The following PTPRD variants were observed in gnomAD, a reference collection of about 807,000 sequenced individuals.
The protein encoded by PTPRD is receptor-type tyrosine-protein phosphatase delta.
Under a neutral mutation model 214.5 loss-of-function variants are expected in PTPRD, and 34 were observed. The observed-to-expected ratio is 0.16, with a 90% CI of 0.12 to 0.21. The LOEUF is 0.21. Ranked by LOEUF, PTPRD falls within the 10% of genes least tolerant of loss-of-function variation. The pLI, the probability that PTPRD is intolerant of heterozygous loss-of-function variation, is 1.00. For synonymous variants in PTPRD, 1,128 were observed against 845.7 expected (o/e 1.33, Z -5.79); for missense variants, 2,545 against 2,398.7 (o/e 1.06, Z -1.27).
rs947404260 is a variant in PTPRD at position 9,808,748 on chromosome 9, T to C, written c.-367-41897A>G. Among the ~76,000 whole-genome samples the C allele has an allele frequency of 3.9e-5, 6 of 152,234 alleles. 1 individual carries two copies. The highest frequency in any genetic ancestry group is 1.3e-4 in the Admixed American group (2 of 15,280). ...CCTAGAGACCCAACTTTCATCTCCCTTATGACTGGGGTATTAGTTTAATTT... is the reference window on the plus strand; with the variant it reads ...CCTAGAGACCCAACTTTCATCTCCCCTATGACTGGGGTATTAGTTTAATTT... On this transcript the variant is annotated intron_variant, in intron 5 of 45. Transcript: ENST00000381196.
intron 10 of PTPRD, among the ~76,000 whole-genome samples, chr9:9,138,698 A>C (rs985072032): frequency 6.6e-6 from 1 of 152,204 alleles, no homozygotes; most frequent in Non-Finnish European, 1.5e-5. Flanking sequence ...ATGAGCAGTA[A>C]TTTAATTTAT....
rs913590252 is a variant in PTPRD, at chr9:8,808,573, T to C, written c.-103-74627A>G. 2.0e-5 allele frequency among the ~76,000 whole-genome samples: 3 copies of C among 151,396 alleles called. No homozygotes were observed. In the Admixed American group the frequency reaches 2.0e-4, roughly 10 times the overall value. ...GCCCAGAGACACTCAATAATCCTGGTTAATCCTGGCCCACTGTATTTATGC... is the reference window on the plus strand; with the variant it reads ...GCCCAGAGACACTCAATAATCCTGGCTAATCCTGGCCCACTGTATTTATGC... On this transcript the variant is annotated intron_variant, in intron 11 of 45. Coordinates refer to ENST00000381196, the MANE Select transcript of PTPRD (RefSeq NM_002839.4).
At chr9:10,214,654 T>G (rs1280546215) in intron 3 of PTPRD, among the ~76,000 whole-genome samples, 2 of 152,038 alleles carry the variant, frequency 1.3e-5, no homozygotes, top group African/African-American at 4.8e-5. Flanking sequence ...AACATGTTTA[T>G]CACCTAACAC....
In PTPRD at chr9:9,175,194, T is replaced by G. The variant is rs548855840; in HGVS notation, c.-143+8110A>C. ...ATTTCTTATAGCAGCCAAAGTGAAC[T>G]AAGACAAGATTTTTCTAAAACGTTG... On this transcript the variant is annotated intron_variant, in intron 10 of 45. Transcript: ENST00000381196. Among the ~76,000 whole-genome samples the G allele has an allele frequency of 1.7e-3, 264 of 152,310 alleles. 1 individual carries two copies. Among genetic ancestry groups the G allele is most frequent in the Middle Eastern group, 0.01 (3 of 294 alleles).
In PTPRD at chr9:8,731,755, A is replaced by C. The variant is rs79290233; in HGVS notation, c.64+2025T>G. 2.7e-4 allele frequency among the ~76,000 whole-genome samples: 41 copies of C among 152,316 alleles called. 1 individual carries two copies. The East Asian group carries it at 7.1e-3, about 26-fold the overall frequency. On this transcript the variant is annotated intron_variant, in intron 12 of 45. Coordinates refer to ENST00000381196, the MANE Select transcript of PTPRD (RefSeq NM_002839.4). ...AAATGTACCTTAAAAGATATGGTTA[A>C]ATTTTCCTCTTTCGTCAATAACTTT...
chr9:9,193,116 G>GT (rs1308944853), intron 9 of PTPRD, among the ~76,000 whole-genome samples: 2 of 152,084 alleles, frequency 1.3e-5, no homozygotes, highest in Non-Finnish European at 2.9e-5. Flanking sequence ...TCAGTTAAAT[G>GT]TAAGTAAATA....
intron 3 of PTPRD, among the ~76,000 whole-genome samples, chr9:10,256,909 T>C (rs2093326890): frequency 6.6e-6 from 1 of 152,204 alleles, no homozygotes; most frequent in Admixed American, 6.5e-5. Context: ...CACATCTTAG[T>C]TCCATCACTT....
At position 8,465,627 on chromosome 9, in the gene PTPRD, C is replaced by G. The variant is rs1281193607; in HGVS notation, c.3553G>C (p.Glu1185Gln). 1 of 1,612,410 alleles carries G rather than the reference C, an allele frequency of 6.2e-7. No homozygotes were observed. Among genetic ancestry groups the G allele is most frequent in the South Asian group, 1.1e-5 (1 of 91,032 alleles). ...RKRRSIRYGR[E>Q]VELKPYIAAH... The stretch of plus-strand genomic sequence containing the variant: ...GCAATATATGGCTTTAATTCAACTT[C>G]TCTCCCATAACGGATGCTTCTGCGC... Residue 1185 changes from glutamate to glutamine, a missense_variant, in exon 32 of 46, where the codon GAA becomes CAA. Coordinates refer to ENST00000381196, the MANE Select transcript of PTPRD (RefSeq NM_002839.4).
chr9:9,966,727 G>A (rs904431009), intron 4 of PTPRD, among the ~76,000 whole-genome samples: 4 of 152,010 alleles, frequency 2.6e-5, no homozygotes, highest in African/African-American at 7.2e-5. Flanking sequence ...ACACTCCTTC[G>A]GTCAGTGTTA....
rs1228942827 is a variant in PTPRD, at chr9:8,451,985, T to C, written c.3876-2148A>G. The C allele has an allele frequency of 7.9e-6, 3 of 377,608 alleles. No individual in the cohort carries two copies. In the East Asian group the frequency reaches 2.4e-4, roughly 31 times the overall value. 23.4% of individuals were successfully genotyped at this position (377,608 alleles called of 1,614,324 possible). ...CTGGAGGGTAGAAAAGAAAACTCTCTAAAGTAATTTAGCCCATTTCTCTGG... is the reference window on the plus strand; with the variant it reads ...CTGGAGGGTAGAAAAGAAAACTCTCCAAAGTAATTTAGCCCATTTCTCTGG... On this transcript the variant is annotated intron_variant, in intron 33 of 45. Coordinates refer to ENST00000381196, the MANE Select transcript of PTPRD (RefSeq NM_002839.4).
intron 14 of PTPRD, among the ~76,000 whole-genome samples, chr9:8,579,259 T>A (rs1003781762): frequency 6.6e-6 from 1 of 152,350 alleles, no homozygotes; most frequent in East Asian, 1.9e-4. Flanking sequence ...TTCTTCATAA[T>A]ACAAAAGCTT....
At chr9:8,442,320 T>C (rs962445193) in intron 34 of PTPRD, among the ~76,000 whole-genome samples, 1 of 151,880 alleles carries the variant, frequency 6.6e-6, no homozygotes, top group Admixed American at 6.5e-5. Flanking sequence ...TAGAAAAATA[T>C]TTATCAAACA....
rs765489687 is a variant in PTPRD at position 8,521,482 on chromosome 9, G to A, written c.756C>T (p.Ser252=). 2.7e-5 allele frequency: 44 copies of A among 1,613,950 alleles called. No homozygotes were observed. Among genetic ancestry groups the A allele is most frequent in the Middle Eastern group, 1.7e-4 (1 of 6,058 alleles). ...CCACGGCCACACAGGTGATATTAAC[G>A]CTTCCGCCTGGCATGATTTCATGAT... is the stretch of plus-strand genomic sequence containing the variant. The part of the protein sequence containing the change: ...PTNHEIMPGG[S]VNITCVAVGS... The change falls in exon 20 of 46, where the codon AGC becomes AGT. Residue 252 remains serine, a synonymous_variant. Transcript: ENST00000381196.
intron 10 of PTPRD, among the ~76,000 whole-genome samples, chr9:9,137,686 T>G (rs1416429350): frequency 2.0e-5 from 3 of 152,134 alleles, no homozygotes; most frequent in Non-Finnish European, 4.4e-5. Flanking sequence ...GTTAATCAAA[T>G]CAAAATTAAT....
chr9:10,187,391 G>A (rs933440245), intron 3 of PTPRD, among the ~76,000 whole-genome samples: 14 of 152,134 alleles, frequency 9.2e-5, no homozygotes, highest in Middle Eastern at 3.4e-3. Flanking sequence ...TATTATATTA[G>A]GAGCTTCCAA....
intron 12 of PTPRD, among the ~76,000 whole-genome samples, chr9:8,650,874 T>A (rs369712585): frequency 1.3e-5 from 2 of 152,130 alleles, no homozygotes; most frequent in East Asian, 3.9e-4. Context: ...AAATTTAGCA[T>A]TCTTTTTTTT....
intron 7 of PTPRD, among the ~76,000 whole-genome samples, chr9:9,624,464 T>C (rs922998518): frequency 6.6e-6 from 1 of 152,054 alleles, no homozygotes; most frequent in Non-Finnish European, 1.5e-5. Context: ...TTTTTTGTAT[T>C]TTTAGTAGAG....
At chr9:9,151,758 T>C (rs2099876974) in intron 10 of PTPRD, among the ~76,000 whole-genome samples, 1 of 152,158 alleles carries the variant, frequency 6.6e-6, no homozygotes, top group South Asian at 2.1e-4. Context: ...CACAGATTGC[T>C]CAGTGCCTAA....
intron 11 of PTPRD, among the ~76,000 whole-genome samples, chr9:8,746,203 G>T (rs1273084765): frequency 6.6e-6 from 1 of 152,030 alleles, no homozygotes; most frequent in Non-Finnish European, 1.5e-5. Flanking sequence ...TATACAGTCT[G>T]GTTATCTCAG....
Sources: gnomAD v4.1 joint callset for allele counts (sites outside exome capture counted in the v4.1 genomes callset) on GRCh38, gnomAD v4.1.1 for gene constraint, MANE v1.5 for transcripts, NCBI Gene and HGNC (gene_info 2026-07-23, HGNC 2026-07-21) for gene names.